Variants in IGF1 observed in about 807,000 individuals in gnomAD.
IGF1 encodes the protein insulin like growth factor 1.
A neutral mutation model predicts 13.8 loss-of-function variants in IGF1; 4 were observed. The ratio of observed to expected loss-of-function variants is 0.29; its 90% CI spans 0.14 to 0.66. The LOEUF is 0.66. IGF1 is among the 30% of genes least tolerant of loss of function. The pLI is 0.78. For missense variants in IGF1, 124 were observed against 188.5 expected, an observed-to-expected ratio of 0.66 and a Z score of 2.00; for synonymous variants, 76 against 72.6, an observed-to-expected ratio of 1.05 and a Z score of -0.23.
chr12:102,407,313 G>A (rs929254514), intron 3 of IGF1, among the ~76,000 whole-genome samples: 2 of 152,130 alleles, frequency 1.3e-5, no homozygotes, highest in Admixed American at 6.5e-5. Flanking sequence ...TAATGTGCTT[G>A]AGGTCACAGA....
rs1013557304 is a variant in IGF1 at position 102,400,671 on chromosome 12, T to C, written c.*1836A>G. On this transcript the variant is annotated 3_prime_UTR_variant, in exon 4 of 4. Coordinates refer to ENST00000337514, the MANE Select transcript of IGF1 (RefSeq NM_000618.5). Reference sequence around the variant, plus strand: ...CAAATTTTGGATCACTTTCCTTATATTGCCTAGAAAAGAAGGAATCATTGT... The same window carrying C: ...CAAATTTTGGATCACTTTCCTTATACTGCCTAGAAAAGAAGGAATCATTGT... 1.3e-5 allele frequency: 2 copies of C among 152,226 alleles called. No homozygotes were observed. Among genetic ancestry groups the C allele is most frequent in the Admixed American group, 1.3e-4 (2 of 15,288 alleles). 9.4% of individuals were successfully genotyped at this position (152,226 alleles called of 1,614,324 possible).
chr12:102,452,704 AAAGAT>A (rs1321647228), intron 2 of IGF1, among the ~76,000 whole-genome samples: 2 of 152,208 alleles, frequency 1.3e-5, no homozygotes, highest in Admixed American at 1.3e-4. Flanking sequence ...TACTTTTTAA[AAAGAT>A]AAGACATTCT....
rs1238139177 is a variant in IGF1 at position 102,397,266 on chromosome 12, T to C, written c.*5241A>G. On this transcript the variant is annotated 3_prime_UTR_variant, in exon 4 of 4. Transcript: ENST00000337514. ...ATGTTTTCAGTGAGGTTCCTTTAAT[T>C]CTAGAGTTTCAGCTTGGTCAGCCCT... 1 of 153,740 alleles carries C rather than the reference T, an allele frequency of 6.5e-6. No homozygotes were observed. The highest frequency in any genetic ancestry group is 2.4e-5 in the African/African-American group (1 of 41,442). The allele number at this position is 153,740 out of a possible 1,614,324, so 9.5% of individuals were successfully genotyped here.
rs183395592 is a variant in IGF1 at position 102,461,758 on chromosome 12, A to G, written c.220+13885T>C. ...ATGGGGTTATCCTTGGAGCAGTTCT[A>G]TCATTCCTCTGAGGAAAGGTTCCAC... is the stretch of plus-strand genomic sequence containing the variant. On this transcript the variant is annotated intron_variant, in intron 2 of 3. Transcript: ENST00000337514. Among the ~76,000 whole-genome samples the G allele has an allele frequency of 1.0e-3, 157 of 152,330 alleles. 1 individual carries two copies. The highest frequency in any genetic ancestry group is 3.7e-3 in the African/African-American group (154 of 41,576).
chr12:102,405,450 A>G (rs1445410922), intron 3 of IGF1, among the ~76,000 whole-genome samples: 1 of 152,032 alleles, frequency 6.6e-6, no homozygotes, highest in Non-Finnish European at 1.5e-5. Flanking sequence ...GGGCCACAGA[A>G]TAGCATCCCT....
At chr12:102,424,194 A>G (rs886178695) in intron 2 of IGF1, among the ~76,000 whole-genome samples, 5 of 151,176 alleles carry the variant, frequency 3.3e-5, no homozygotes, top group Admixed American at 2.6e-4. Context: ...GAATAAAACT[A>G]TTCTTTAGAA....
At chr12:102,410,443 A>G (rs2136963791) in intron 3 of IGF1, among the ~76,000 whole-genome samples, 2 of 152,332 alleles carry the variant, frequency 1.3e-5, no homozygotes, top group South Asian at 4.1e-4. Context: ...CAAATGTGGT[A>G]TTTTAAAAAG....
rs527509244 is a variant in IGF1, at chr12:102,410,477, TTGC to T, written c.403-7914_403-7912del. Among the ~76,000 whole-genome samples, 64 of 152,360 alleles carry T rather than the reference TTGC, an allele frequency of 4.2e-4. No individual in the cohort carries two copies. The South Asian group carries it at 0.013, about 31-fold the overall frequency. On this transcript the variant is annotated intron_variant, in intron 3 of 3. Transcript: ENST00000337514. ...AGTGAAACACCAGATTCTAGCAATT[TTGC>T]TGCTATGTGCTAAAGATTCAGCACA... is the stretch of plus-strand genomic sequence containing the variant.
intron 1 of IGF1, among the ~76,000 whole-genome samples, chr12:102,480,061 A>G (rs1317147878): frequency 6.6e-6 from 1 of 152,162 alleles, no homozygotes; most frequent in Non-Finnish European, 1.5e-5. Flanking sequence ...TAATGACACC[A>G]CGGAAGCCCT....
At position 102,400,583 on chromosome 12, in the gene IGF1, AAGAGT is replaced by A. The variant is rs1451843399; in HGVS notation, c.*1919_*1923del. The A allele has an allele frequency of 6.6e-6, 1 of 152,236 alleles. No individual in the cohort carries two copies. Among genetic ancestry groups the A allele is most frequent in the East Asian group, 1.9e-4 (1 of 5,204 alleles). The allele number at this position is 152,236 out of a possible 1,614,324, so 9.4% of individuals were successfully genotyped here. On this transcript the variant is annotated 3_prime_UTR_variant, in exon 4 of 4. Coordinates refer to ENST00000337514, the MANE Select transcript of IGF1 (RefSeq NM_000618.5). ...AAAAAATGTATATACAGCTAAGAAT[AAGAGT>A]AAAGTTTGTTAAAGAAGATAACTTT...
chr12:102,478,740 T>C, intron 1 of IGF1: 1 of 1,009,410 alleles, frequency 9.9e-7, no homozygotes, highest in Non-Finnish European at 1.3e-6. Context: ...TTCCCCCCAG[T>C]CAAGCCACCT....
In IGF1 at chr12:102,397,830, G is replaced by A. The variant is rs1490822083; in HGVS notation, c.*4677C>T. 6.6e-6 allele frequency: 1 copy of A among 152,110 alleles called. No individual in the cohort carries two copies. Among genetic ancestry groups the A allele is most frequent in the Non-Finnish European group, 1.5e-5 (1 of 67,988 alleles). The allele number at this position is 152,110 out of a possible 1,614,324, so 9.4% of individuals were successfully genotyped here. A position where few individuals can be genotyped will look rare whatever the true frequency, so the allele number is the denominator to read the frequency against. The stretch of plus-strand genomic sequence containing the variant: ...GGTGGAAAGCCATGTGATTTGAATG[G>A]AAAGATTCTTTCTTCTGAGGAGAGC... On this transcript the variant is annotated 3_prime_UTR_variant, in exon 4 of 4. Coordinates refer to ENST00000337514, the MANE Select transcript of IGF1 (RefSeq NM_000618.5).
intron 2 of IGF1, among the ~76,000 whole-genome samples, chr12:102,441,936 T>TCTTCTTCTCCTTCTC (rs1877831135): frequency 7.3e-6 from 1 of 136,106 alleles, no homozygotes; most frequent in Admixed American, 8.3e-5. Context: ...TTCTTCTTCT[T>TCTTCTTCTCCTTCTC]CTTCTTCTTC....
chr12:102,475,456 G>A (rs999494722), intron 2 of IGF1, among the ~76,000 whole-genome samples, 187 bp downstream of exon 2: 1 of 152,064 alleles, frequency 6.6e-6, no homozygotes, highest in South Asian at 2.1e-4. Context: ...TTCCATCCTA[G>A]ATCTGCAAAA....
chr12:102,419,413 C>T lies in IGF1; in HGVS notation c.402+96G>A, dbSNP rs5742685. 5 of 1,232,474 alleles carry T rather than the reference C, an allele frequency of 4.1e-6. No individual in the cohort carries two copies. The Admixed American group carries it at 1.1e-4, about 27-fold the overall frequency. 76.3% of individuals were successfully genotyped at this position (1,232,474 alleles called of 1,614,324 possible). A position where few individuals can be genotyped will look rare whatever the true frequency, so the allele number is the denominator to read the frequency against. ...CAAAGGAGCTTTTCTGACTTGTAAG[C>T]CAGGAGACTATGGGGCAGGATTTCT... On this transcript the variant is annotated intron_variant, in intron 3 of 3. Transcript: ENST00000337514.
intron 2 of IGF1, chr12:102,462,916 A>C (rs1012987150): frequency 7.9e-5 from 12 of 152,214 alleles, no homozygotes; most frequent in Non-Finnish European, 1.2e-4. Flanking sequence ...GGTTGGATCC[A>C]TAGGAAGCAA....
intron 2 of IGF1, among the ~76,000 whole-genome samples, chr12:102,469,118 G>A (rs1393949291): frequency 2.0e-5 from 3 of 152,196 alleles, no homozygotes; most frequent in Admixed American, 1.3e-4. Context: ...AGCTCGTTGA[G>A]TAATACCAGC....
At chr12:102,441,948 T>TCTTCTTCTTCTTCTTCTTCTTCTA (rs1877858273) in intron 2 of IGF1, among the ~76,000 whole-genome samples, 1 of 143,370 alleles carries the variant, frequency 7.0e-6, no homozygotes, top group Non-Finnish European at 1.5e-5. Context: ...TTCTTCTTCT[T>TCTTCTTCTTCTTCTTCTTCTTCTA]CTTCTTCTTT....
At chr12:102,474,936 A>T (rs1592836454) in intron 2 of IGF1, among the ~76,000 whole-genome samples, 1 of 152,162 alleles carries the variant, frequency 6.6e-6, no homozygotes, top group Non-Finnish European at 1.5e-5. Flanking sequence ...GAGATAAGTG[A>T]TTCTGTACTT....
Sources: gnomAD v4.1 joint callset for allele counts (sites outside exome capture counted in the v4.1 genomes callset) on GRCh38, gnomAD v4.1.1 for gene constraint, MANE v1.5 for transcripts, NCBI Gene and HGNC (gene_info 2026-07-23, HGNC 2026-07-21) for gene names.